SPTBN1: variants seen among roughly 807,000 people sequenced by gnomAD.
SPTBN1 encodes spectrin beta chain, non-erythrocytic 1.
Under a neutral mutation model 266.4 loss-of-function variants are expected in SPTBN1, and 32 were observed. The ratio of observed to expected loss-of-function variants is 0.12; its 90% CI spans 0.09 to 0.16. The LOEUF (loss-of-function observed/expected upper bound fraction) is 0.16. SPTBN1 is among the 10% of genes least tolerant of loss of function. SPTBN1 has a pLI of 1.00. For synonymous variants in SPTBN1, 1,336 were observed against 1,162.2 expected (o/e 1.15, Z -3.04); for missense variants, 2,296 against 3,067.1 (o/e 0.75, Z 5.94).
chr2:54,601,650 T>C (rs1283527190), intron 3 of SPTBN1, among the ~76,000 whole-genome samples: 1 of 152,210 alleles, frequency 6.6e-6, no homozygotes, highest in Non-Finnish European at 1.5e-5. Flanking sequence ...ATGTTTGCAC[T>C]CTATCTGGAG....
chr2:54,501,990 A>C (rs544067010), intron 1 of SPTBN1, among the ~76,000 whole-genome samples: 1 of 152,368 alleles, frequency 6.6e-6, no homozygotes, highest in East Asian at 1.9e-4. Flanking sequence ...CTAAAGCAAG[A>C]CTAGATTAAG....
intron 4 of SPTBN1, 149 bp from the exon 5 acceptor site, chr2:54,616,058 G>A: frequency 3.5e-6 from 2 of 571,444 alleles, no homozygotes; most frequent in South Asian, 3.0e-5. Context: ...CCAGACTTCA[G>A]GAAGCAGTTT....
At chr2:54,568,368 AAAAAG>A (rs1478558976) in intron 2 of SPTBN1, among the ~76,000 whole-genome samples, 7 of 151,644 alleles carry the variant, frequency 4.6e-5, no homozygotes, top group Admixed American at 6.6e-5. Context: ...AAAAAAAAAA[AAAAAG>A]AAGAAGAAGC....
intron 1 of SPTBN1, among the ~76,000 whole-genome samples, chr2:54,481,524 A>G (rs1025928709): frequency 6.6e-6 from 1 of 151,998 alleles, no homozygotes; most frequent in Non-Finnish European, 1.5e-5. Context: ...GAAAAGCTTC[A>G]CCAGATTAAT....
intron 12 of SPTBN1, among the ~76,000 whole-genome samples, chr2:54,627,806 T>A (rs1678456393): frequency 3.0e-5 from 1 of 33,396 alleles, no homozygotes; most frequent in Admixed American, 4.4e-4. Flanking sequence ...CTGGCCCCGC[T>A]GGCCCTCACC....
At chr2:54,650,670 A>G (rs932468728) in intron 26 of SPTBN1, among the ~76,000 whole-genome samples, 2 of 152,204 alleles carry the variant, frequency 1.3e-5, no homozygotes, top group Non-Finnish European at 2.9e-5. Flanking sequence ...TATATTGAGT[A>G]TCTAAGTTAT....
chr2:54,471,239 C>T (rs982060619), intron 1 of SPTBN1, among the ~76,000 whole-genome samples: 2 of 152,128 alleles, frequency 1.3e-5, no homozygotes, highest in Non-Finnish European at 2.9e-5. Flanking sequence ...ACAAAAAGAA[C>T]AGAATGTAGG....
At chr2:54,666,332 T>C (rs1681367356) in intron 34 of SPTBN1, among the ~76,000 whole-genome samples, 1 of 152,216 alleles carries the variant, frequency 6.6e-6, no homozygotes, top group Non-Finnish European at 1.5e-5. Context: ...TAAGGAGCTT[T>C]TGCTTTTATA....
intron 1 of SPTBN1, among the ~76,000 whole-genome samples, chr2:54,461,457 C>T (rs925437456): frequency 6.6e-6 from 1 of 152,160 alleles, no homozygotes; most frequent in African/African-American, 2.4e-5. Flanking sequence ...CACCCATTTG[C>T]TGTCTCTAGG....
intron 1 of SPTBN1, among the ~76,000 whole-genome samples, chr2:54,517,812 A>G (rs1439584362): frequency 1.3e-5 from 2 of 151,796 alleles, no homozygotes; most frequent in African/African-American, 4.8e-5. Flanking sequence ...CGCCCAGCTA[A>G]TTTTTGTATT....
At chr2:54,458,113 G>T (rs1404300841) in intron 1 of SPTBN1, among the ~76,000 whole-genome samples, 1 of 152,182 alleles carries the variant, frequency 6.6e-6, no homozygotes, top group African/African-American at 2.4e-5. Context: ...AAAAGTTGGT[G>T]TTTATTAATT....
chr2:54,592,125 C>G (rs1384186203), intron 2 of SPTBN1, among the ~76,000 whole-genome samples: 2 of 152,192 alleles, frequency 1.3e-5, no homozygotes, highest in African/African-American at 4.8e-5. Context: ...TGTGATCACA[C>G]CACTACACTC....
Position 54,646,631 on chromosome 2 carries a change from T to A in SPTBN1, c.4866+156T>A, listed in dbSNP as rs1263302714. 3.3e-5 allele frequency among the ~76,000 whole-genome samples: 5 copies of A among 152,254 alleles called. No homozygotes were observed. The highest frequency in any genetic ancestry group is 7.3e-5 in the Non-Finnish European group (5 of 68,044). On this transcript the variant is annotated intron_variant, in intron 23 of 35. Transcript: ENST00000356805. The surrounding 1 kb of genome is among the most constrained non-coding windows in gnomAD (Gnocchi z 4.4). ...TGCATGAAGGTGTCTGAAATCCAGC[T>A]GCTGGTTTCCCTTTGGTGCAGCATT...
chr2:54,617,541 C>G (rs1677685139), intron 5 of SPTBN1, 67 bp from the exon 6 acceptor site: 1 of 1,499,766 alleles, frequency 6.7e-7, no homozygotes, highest in Admixed American at 1.7e-5. Flanking sequence ...TAACAAAGCA[C>G]TTGGCAAAAG....
rs368677197 is a variant in SPTBN1 at position 54,632,103 on chromosome 2, G to A, written c.3565-463G>A. On this transcript the variant is annotated intron_variant, in intron 16 of 35. Transcript: ENST00000356805. ...AAAAAAAAAAAAAAAAAAAAAGTAC[G>A]GTGAGGATTTTTTTTTTTCTTGAGA... Among the ~76,000 whole-genome samples the A allele has an allele frequency of 1.6e-3, 242 of 150,650 alleles. 2 individuals are homozygous for A. The highest frequency in any genetic ancestry group is 5.7e-3 in the African/African-American group (233 of 40,948).
intron 2 of SPTBN1, among the ~76,000 whole-genome samples, chr2:54,587,015 A>G (rs991378173): frequency 1.3e-5 from 2 of 152,222 alleles, no homozygotes; most frequent in African/African-American, 4.8e-5. Flanking sequence ...GAAAACCATA[A>G]TAAGCAAGGG....
chr2:54,611,913 T>C (rs1268052078), intron 3 of SPTBN1, among the ~76,000 whole-genome samples: 1 of 152,272 alleles, frequency 6.6e-6, no homozygotes, highest in Non-Finnish European at 1.5e-5. Flanking sequence ...CAAATGCTCA[T>C]TTGTAAACTA....
intron 1 of SPTBN1, among the ~76,000 whole-genome samples, chr2:54,476,093 G>A (rs1270182486): frequency 6.6e-6 from 1 of 151,968 alleles, no homozygotes; most frequent in East Asian, 1.9e-4. Context: ...TGGTGCTGCA[G>A]TAACAAAGAT....
chr2:54,477,186 T>C (rs545960970), intron 1 of SPTBN1, among the ~76,000 whole-genome samples: 1 of 152,328 alleles, frequency 6.6e-6, no homozygotes, highest in African/African-American at 2.4e-5. Context: ...GACTTTGGAT[T>C]TAAACACAAC....
Sources: allele counts gnomAD v4.1 joint callset (sites outside exome capture counted in the v4.1 genomes callset), GRCh38; gene constraint gnomAD v4.1.1; non-coding constraint Gnocchi (gnomAD v3.1); transcripts MANE v1.5; gene names NCBI Gene and HGNC (gene_info 2026-07-23, HGNC 2026-07-21).